Variants in DNM3 observed in about 807,000 individuals in gnomAD.
DNM3 encodes the protein dynamin-3.
DNM3 carries 47 observed loss-of-function variants against 101.6 expected under a neutral mutation model. That is an observed-to-expected ratio of 0.46 (90% CI 0.37 to 0.59). DNM3 has a LOEUF of 0.59. DNM3 is among the 20% of genes least tolerant of loss of function. The pLI, the probability that DNM3 is intolerant of heterozygous loss-of-function variation, is 0.00. For synonymous variants in DNM3, 385 were observed against 387.9 expected (o/e 0.99, Z 0.09); for missense variants, 849 against 1,085.7 (o/e 0.78, Z 3.06).
intron 14 of DNM3, among the ~76,000 whole-genome samples, chr1:172,241,297 T>A (rs2061741538): frequency 6.6e-6 from 1 of 151,230 alleles, no homozygotes; most frequent in East Asian, 1.9e-4. Flanking sequence ...GAAGCTCTTT[T>A]TGAGCAAAAA....
chr1:171,920,754 A>G (rs2040095751), intron 1 of DNM3, among the ~76,000 whole-genome samples: 1 of 152,200 alleles, frequency 6.6e-6, no homozygotes, highest in Admixed American at 6.5e-5. Flanking sequence ...CTGCAGTTTT[A>G]TTAGCTTAGT....
Position 171,883,402 on chromosome 1 carries a change from CACACACACACACCCT to C in DNM3, c.162-38345_162-38331del, listed in dbSNP as rs1558209713. 3.3e-3 allele frequency among the ~76,000 whole-genome samples: 388 copies of C among 118,354 alleles called. 4 individuals are homozygous for C. The highest frequency in any genetic ancestry group is 5.2e-3 in the East Asian group (23 of 4,466). The allele number at this position is 118,354 out of a possible 152,430, so 77.6% of individuals were successfully genotyped here. ...ACACACACACACACACACACACACA[CACACACACACACCCT>C]GTCAGAATGAATACCATCAATCTAT... On this transcript the variant is annotated intron_variant, in intron 1 of 20. Coordinates refer to ENST00000627582, the MANE Select transcript of DNM3 (RefSeq NM_015569.5).
chr1:172,331,557 A>G (rs1477032405), intron 17 of DNM3, among the ~76,000 whole-genome samples: 1 of 152,168 alleles, frequency 6.6e-6, no homozygotes, highest in Admixed American at 6.6e-5. Context: ...CATGAGCAGC[A>G]CTTAATATAC....
chr1:171,900,687 G>C (rs1031515947), intron 1 of DNM3, among the ~76,000 whole-genome samples: 2 of 152,140 alleles, frequency 1.3e-5, no homozygotes, highest in Non-Finnish European at 2.9e-5. Context: ...AGTGAGGAAT[G>C]ATAGCAGATC....
chr1:172,207,366 G>A (rs949511050), intron 14 of DNM3, among the ~76,000 whole-genome samples: 1 of 152,076 alleles, frequency 6.6e-6, no homozygotes, highest in African/African-American at 2.4e-5. Flanking sequence ...GTCATTTTAG[G>A]TAACTCCACC....
chr1:172,143,728 A>C lies in DNM3; in HGVS notation c.1659+12440A>C, dbSNP rs189212541. 3.0e-3 allele frequency among the ~76,000 whole-genome samples: 461 copies of C among 152,290 alleles called. 2 individuals are homozygous for C. Among genetic ancestry groups the C allele is most frequent in the African/African-American group, 9.9e-3 (413 of 41,566 alleles). The stretch of plus-strand genomic sequence containing the variant: ...CCACTCTTTGATTTAAAAAAAATGT[A>C]AAACAGATATTTACAGGGGTATCTA... On this transcript the variant is annotated intron_variant, in intron 14 of 20. Transcript: ENST00000627582.
chr1:172,314,284 G>A (rs2757503), intron 16 of DNM3, among the ~76,000 whole-genome samples: 1,873 of 152,250 alleles, frequency 0.012, 29 homozygotes, highest in African/African-American at 0.043. Flanking sequence ...GAACAGCTCC[G>A]GTCTACAGCT....
At chr1:172,096,361 G>C (rs1022752490) in intron 13 of DNM3, among the ~76,000 whole-genome samples, 2 of 152,182 alleles carry the variant, frequency 1.3e-5, no homozygotes, top group African/African-American at 4.8e-5. Flanking sequence ...GTGGAGAAAG[G>C]CTTTGAAGGT....
intron 15 of DNM3, among the ~76,000 whole-genome samples, chr1:172,283,903 C>T (rs1216270583): frequency 1.3e-5 from 2 of 152,044 alleles, no homozygotes; most frequent in African/African-American, 2.4e-5. Flanking sequence ...TCTCCTTCCT[C>T]AGCTAAGTTT....
intron 1 of DNM3, among the ~76,000 whole-genome samples, chr1:171,899,209 T>A (rs915822742): frequency 7.2e-5 from 11 of 152,208 alleles, no homozygotes; most frequent in Non-Finnish European, 1.0e-4. Flanking sequence ...GCTGCTGCCA[T>A]GTGATGGCTC....
chr1:172,041,009 G>A (rs1052479931), intron 7 of DNM3, among the ~76,000 whole-genome samples: 2 of 152,046 alleles, frequency 1.3e-5, no homozygotes, highest in African/African-American at 4.8e-5. Flanking sequence ...AGTTTTGATT[G>A]TATTATCGAA....
At chr1:172,282,058 A>G (rs1027466683) in intron 15 of DNM3, among the ~76,000 whole-genome samples, 2 of 152,246 alleles carry the variant, frequency 1.3e-5, no homozygotes, top group African/African-American at 2.4e-5. Context: ...GCAAGACCAT[A>G]TCTAAAATAC....
intron 11 of DNM3, among the ~76,000 whole-genome samples, chr1:172,069,518 T>A (rs1413612069): frequency 6.6e-6 from 1 of 152,206 alleles, no homozygotes; most frequent in African/African-American, 2.4e-5. Context: ...TTTGGAAAGA[T>A]TATTTTCAAG....
intron 4 of DNM3, among the ~76,000 whole-genome samples, chr1:172,002,731 T>C (rs903344943): frequency 2.6e-5 from 4 of 152,038 alleles, no homozygotes; most frequent in Non-Finnish European, 4.4e-5. Context: ...TTATAAAATT[T>C]ACTGTGAAAA....
chr1:172,354,142 A>AGAGAGAGAGAGAGAGAGAGAGAG (rs1553242888), intron 17 of DNM3, among the ~76,000 whole-genome samples: 4 of 149,698 alleles, frequency 2.7e-5, no homozygotes, highest in East Asian at 2.0e-4. Flanking sequence ...AGAGAGAGAG[A>AGAGAGAGAGAGAGAGAGAGAGAG]AATAAGACAT....
chr1:172,348,682 T>A (rs983691632), intron 17 of DNM3, among the ~76,000 whole-genome samples: 4 of 152,284 alleles, frequency 2.6e-5, no homozygotes, highest in East Asian at 3.9e-4. Flanking sequence ...AAAAATTTGG[T>A]AAAATTTACA....
intron 4 of DNM3, among the ~76,000 whole-genome samples, chr1:172,011,475 G>A (rs1305454679): frequency 6.6e-6 from 1 of 151,990 alleles, no homozygotes; most frequent in Admixed American, 6.6e-5. Flanking sequence ...CATGTCCAAT[G>A]TTTAATTGAT....
intron 10 of DNM3, among the ~76,000 whole-genome samples, chr1:172,050,430 T>C (rs1275791202): frequency 6.6e-6 from 1 of 151,346 alleles, no homozygotes; most frequent in Admixed American, 6.6e-5. Flanking sequence ...CCCAAACCCA[T>C]TTAGCCAGTT....
chr1:172,221,356 C>T (rs747314232), intron 14 of DNM3, among the ~76,000 whole-genome samples: 9 of 152,048 alleles, frequency 5.9e-5, no homozygotes, highest in Non-Finnish European at 1.0e-4. Context: ...ATCATATGCC[C>T]TCTTTGGCTC....
Sources: allele counts gnomAD v4.1 joint callset (sites outside exome capture counted in the v4.1 genomes callset), GRCh38; gene constraint gnomAD v4.1.1; transcripts MANE v1.5; gene names NCBI Gene and HGNC (gene_info 2026-07-23, HGNC 2026-07-21).